RANBP17: variants seen among roughly 807,000 people sequenced by gnomAD.
The protein encoded by RANBP17 is RAN binding protein 17.
In RANBP17, 158 loss-of-function variants were observed where a neutral mutation model predicts 141.2. That is an observed-to-expected ratio of 1.12 (90% CI 0.98 to 1.28). The LOEUF is 1.28. RANBP17 is among the 50% of genes most tolerant of loss of function. The probability of loss-of-function intolerance (pLI) is 0.00; values close to 1 mark genes in which losing one functional copy is unlikely to be tolerated. For missense variants in RANBP17, 1,438 were observed against 1,290.7 expected, an observed-to-expected ratio of 1.11 and a Z score of -1.75; for synonymous variants, 430 against 450.0, an observed-to-expected ratio of 0.96 and a Z score of 0.56.
chr5:170,930,567 C>G (rs1224197864), intron 12 of RANBP17, among the ~76,000 whole-genome samples: 3 of 152,032 alleles, frequency 2.0e-5, no homozygotes, highest in Non-Finnish European at 2.9e-5. Flanking sequence ...CCGCTCCCCC[C>G]ACTCCCCGGC....
At chr5:171,124,295 T>C (rs1363652310) in intron 14 of RANBP17, among the ~76,000 whole-genome samples, 1 of 151,806 alleles carries the variant, frequency 6.6e-6, no homozygotes, top group Non-Finnish European at 1.5e-5. Flanking sequence ...CTTGAAATTA[T>C]ACAGGCAGAG....
intron 14 of RANBP17, among the ~76,000 whole-genome samples, chr5:171,087,250 C>T (rs1194050798): frequency 6.6e-6 from 1 of 152,048 alleles, no homozygotes; most frequent in African/African-American, 2.4e-5. Flanking sequence ...GCAGGTTGTT[C>T]AGTTTCCATG....
chr5:170,935,099 T>A (rs1177728952), intron 12 of RANBP17, among the ~76,000 whole-genome samples: 2 of 152,132 alleles, frequency 1.3e-5, no homozygotes, highest in African/African-American at 4.8e-5. Context: ...TGATCAAATC[T>A]ACTGAAGCTT....
chr5:171,116,345 A>G (rs1003476536), intron 14 of RANBP17, among the ~76,000 whole-genome samples: 1 of 152,112 alleles, frequency 6.6e-6, no homozygotes, highest in Non-Finnish European at 1.5e-5. Flanking sequence ...GGGACTCAGA[A>G]TCTCTGGGGT....
intron 19 of RANBP17, among the ~76,000 whole-genome samples, chr5:171,200,974 A>G (rs1041672579): frequency 1.1e-4 from 16 of 152,208 alleles, no homozygotes; most frequent in African/African-American, 3.6e-4. Context: ...ATGTCTTCCA[A>G]ATATTTTCAG....
intron 19 of RANBP17, among the ~76,000 whole-genome samples, chr5:171,200,463 G>A (rs1213027859): frequency 6.6e-6 from 1 of 152,144 alleles, no homozygotes; most frequent in African/African-American, 2.4e-5. Context: ...TAAGGAGGGG[G>A]ATGGGAAGCA....
intron 21 of RANBP17, among the ~76,000 whole-genome samples, chr5:171,216,912 T>C (rs1763254954): frequency 6.6e-6 from 1 of 152,216 alleles, no homozygotes; most frequent in African/African-American, 2.4e-5. Context: ...TTCTTTCTCT[T>C]GCCTGATTGC....
At chr5:170,914,778 G>A (rs966245889) in intron 8 of RANBP17, among the ~76,000 whole-genome samples, 25 of 152,102 alleles carry the variant, frequency 1.6e-4, no homozygotes, top group African/African-American at 6.0e-4. Flanking sequence ...TTGATACTCT[G>A]TAGTTGTATA....
intron 18 of RANBP17, among the ~76,000 whole-genome samples, chr5:171,189,301 A>G (rs191506101): frequency 3.2e-4 from 49 of 152,328 alleles, no homozygotes; most frequent in Non-Finnish European, 5.1e-4. Context: ...AAAATAATGA[A>G]ATGTATGTGA....
At chr5:171,010,903 G>A (rs1184643903) in intron 14 of RANBP17, among the ~76,000 whole-genome samples, 1 of 152,078 alleles carries the variant, frequency 6.6e-6, no homozygotes, top group Non-Finnish European at 1.5e-5. Flanking sequence ...AAAAGGAATT[G>A]TAATACGTAA....
intron 24 of RANBP17, among the ~76,000 whole-genome samples, chr5:171,263,702 C>G (rs1164269634): frequency 1.3e-5 from 2 of 152,124 alleles, no homozygotes; most frequent in African/African-American, 2.4e-5. Flanking sequence ...TTGAATATAC[C>G]CTTCTCTTTT....
intron 14 of RANBP17, among the ~76,000 whole-genome samples, chr5:171,091,409 C>A (rs1786264146): frequency 6.6e-6 from 1 of 152,226 alleles, no homozygotes; most frequent in Non-Finnish European, 1.5e-5. Flanking sequence ...AAATAACTAA[C>A]TTGCTTTTGA....
chr5:170,978,981 AAATG>A (rs1777580976), intron 14 of RANBP17, among the ~76,000 whole-genome samples: 1 of 152,204 alleles, frequency 6.6e-6, no homozygotes, highest in African/African-American at 2.4e-5. Context: ...ATAACAGTGA[AAATG>A]AATGATCTAA....
At chr5:171,276,691 C>G (rs1767507143) in intron 25 of RANBP17, among the ~76,000 whole-genome samples, 1 of 152,004 alleles carries the variant, frequency 6.6e-6, no homozygotes, top group Non-Finnish European at 1.5e-5. Flanking sequence ...AAACAACAGC[C>G]ATACCTTTTT....
intron 14 of RANBP17, among the ~76,000 whole-genome samples, chr5:171,146,924 A>G (rs904116710): frequency 6.6e-6 from 1 of 152,230 alleles, no homozygotes; most frequent in Non-Finnish European, 1.5e-5. Context: ...CTCTTACATC[A>G]AATTGTACTA....
chr5:171,046,774 C>G (rs1472316830), intron 14 of RANBP17, among the ~76,000 whole-genome samples: 2 of 152,066 alleles, frequency 1.3e-5, no homozygotes, highest in Non-Finnish European at 2.9e-5. Context: ...GAACCTCACT[C>G]CATTATCTTG....
intron 3 of RANBP17, among the ~76,000 whole-genome samples, chr5:170,887,593 C>T (rs1214643490): frequency 6.6e-6 from 1 of 152,144 alleles, no homozygotes; most frequent in African/African-American, 2.4e-5. Flanking sequence ...TCCCTTTGCT[C>T]CTTTGTCAGA....
chr5:171,020,236 A>G (rs1780755125), intron 14 of RANBP17, among the ~76,000 whole-genome samples: 1 of 152,176 alleles, frequency 6.6e-6, no homozygotes, highest in African/African-American at 2.4e-5. Flanking sequence ...AGAAGAATGT[A>G]TATCCTGTTG....
chr5:171,079,624 G>GC (rs1173850119), intron 14 of RANBP17, among the ~76,000 whole-genome samples: 3 of 152,174 alleles, frequency 2.0e-5, no homozygotes, highest in Non-Finnish European at 4.4e-5. Flanking sequence ...CAACATCGAG[G>GC]CCAGACCCTC....
Sources: gnomAD v4.1 joint callset for allele counts (sites outside exome capture counted in the v4.1 genomes callset) on GRCh38, gnomAD v4.1.1 for gene constraint, MANE v1.5 for transcripts, NCBI Gene and HGNC (gene_info 2026-07-23, HGNC 2026-07-21) for gene names.